Variants in PTPRD observed in about 807,000 individuals in gnomAD.
PTPRD encodes protein tyrosine phosphatase receptor type D.
A neutral mutation model predicts 214.5 loss-of-function variants in PTPRD; 34 were observed. The ratio of observed to expected loss-of-function variants is 0.16; its 90% CI spans 0.12 to 0.21. The LOEUF is 0.21. PTPRD is among the 10% of genes least tolerant of loss of function. The pLI is 1.00. For synonymous variants in PTPRD, 1,128 were observed against 845.7 expected (o/e 1.33, Z -5.79); for missense variants, 2,545 against 2,398.7 (o/e 1.06, Z -1.27).
intron 14 of PTPRD, among the ~76,000 whole-genome samples, chr9:8,626,609 C>A (rs1210269301): frequency 6.6e-6 from 1 of 151,708 alleles, no homozygotes; most frequent in African/African-American, 2.4e-5. Context: ...AAGCAGATTG[C>A]CCTCCCTAAT....
chr9:8,628,833 C>G (rs1196000389), intron 14 of PTPRD, among the ~76,000 whole-genome samples: 1 of 151,638 alleles, frequency 6.6e-6, no homozygotes, highest in Non-Finnish European at 1.5e-5. Flanking sequence ...AATATATTTG[C>G]TAAACTAGGT....
chr9:10,563,161 A>C (rs542085891), intron 2 of PTPRD, among the ~76,000 whole-genome samples: 1 of 152,168 alleles, frequency 6.6e-6, no homozygotes, highest in Non-Finnish European at 1.5e-5. Flanking sequence ...CAAATACAGC[A>C]TTCCTGACTG....
At chr9:8,839,209 A>G (rs2097505280) in intron 11 of PTPRD, among the ~76,000 whole-genome samples, 1 of 152,226 alleles carries the variant, frequency 6.6e-6, no homozygotes, top group Admixed American at 6.5e-5. Flanking sequence ...TTCAGTAATT[A>G]AAGAAATTCA....
At chr9:9,404,520 T>C (rs768354496) in intron 8 of PTPRD, among the ~76,000 whole-genome samples, 4 of 152,082 alleles carry the variant, frequency 2.6e-5, no homozygotes, top group Admixed American at 6.6e-5. Context: ...ATATTAGTGG[T>C]ATTTACTGAG....
intron 10 of PTPRD, among the ~76,000 whole-genome samples, chr9:9,023,622 G>A (rs990798782): frequency 2.6e-5 from 4 of 151,882 alleles, no homozygotes; most frequent in Admixed American, 2.6e-4. Flanking sequence ...AGTGAGTATA[G>A]TACCCACTAG....
chr9:8,355,898 CATTGCTAA>C (rs2076868558), intron 39 of PTPRD, among the ~76,000 whole-genome samples: 1 of 152,046 alleles, frequency 6.6e-6, no homozygotes, highest in South Asian at 2.1e-4. Flanking sequence ...GATACAGGCA[CATTGCTAA>C]CATTTTTATA....
intron 9 of PTPRD, among the ~76,000 whole-genome samples, chr9:9,325,093 A>G (rs1969202257): frequency 1.3e-5 from 2 of 152,180 alleles, no homozygotes; most frequent in African/African-American, 4.8e-5. Flanking sequence ...TGGTTACTGT[A>G]GCCTTGTAGT....
intron 9 of PTPRD, among the ~76,000 whole-genome samples, chr9:9,241,373 A>G (rs960797338): frequency 1.3e-5 from 2 of 152,186 alleles, no homozygotes; most frequent in African/African-American, 2.4e-5. Context: ...AGTTATTCAC[A>G]TAAGTTCAAT....
intron 5 of PTPRD, among the ~76,000 whole-genome samples, chr9:9,863,996 A>T (rs1600170218): frequency 6.6e-6 from 1 of 152,270 alleles, no homozygotes; most frequent in South Asian, 2.1e-4. Context: ...ATTGTTCCAT[A>T]TGAGGCCTAG....
chr9:9,118,152 T>C (rs1163541797), intron 10 of PTPRD, among the ~76,000 whole-genome samples: 4 of 152,216 alleles, frequency 2.6e-5, no homozygotes, highest in Non-Finnish European at 5.9e-5. Flanking sequence ...GCTACAACTT[T>C]TGACTGTGGC....
At chr9:9,450,781 CT>C (rs2091925538) in intron 8 of PTPRD, among the ~76,000 whole-genome samples, 1 of 151,136 alleles carries the variant, frequency 6.6e-6, no homozygotes, top group Non-Finnish European at 1.5e-5. Flanking sequence ...GTAAAATTAT[CT>C]TTTAAAAAAG....
intron 10 of PTPRD, among the ~76,000 whole-genome samples, chr9:9,156,568 A>G (rs529904717): frequency 2.1e-4 from 32 of 152,268 alleles, no homozygotes; most frequent in African/African-American, 7.5e-4. Context: ...TGTCTATAGG[A>G]ATACCAAGAG....
intron 11 of PTPRD, among the ~76,000 whole-genome samples, chr9:8,961,585 C>T (rs758855306): frequency 2.0e-5 from 3 of 152,126 alleles, no homozygotes; most frequent in Admixed American, 6.6e-5. Flanking sequence ...AGTTCTTCTG[C>T]ATCAAGGTTG....
chr9:10,337,663 C>T (rs1185846280), intron 3 of PTPRD, among the ~76,000 whole-genome samples: 1 of 151,562 alleles, frequency 6.6e-6, no homozygotes, highest in Non-Finnish European at 1.5e-5. Flanking sequence ...TTTTGTAATA[C>T]TCAAAACTAA....
chr9:10,416,435 G>A (rs1187128809), intron 2 of PTPRD, among the ~76,000 whole-genome samples: 2 of 151,740 alleles, frequency 1.3e-5, no homozygotes, highest in African/African-American at 4.8e-5. Context: ...AAGATGAGTG[G>A]TATAAAGAAG....
intron 3 of PTPRD, among the ~76,000 whole-genome samples, chr9:10,190,225 G>A (rs972697349): frequency 2.0e-5 from 3 of 150,742 alleles, no homozygotes; most frequent in Non-Finnish European, 4.4e-5. Context: ...AAATTAGCAG[G>A]GTGTGGTGCA....
chr9:8,317,857 G>C lies in PTPRD; in HGVS notation c.*17C>G, dbSNP rs2130440334. 6.2e-7 allele frequency: 1 copy of C among 1,611,154 alleles called. No homozygotes were observed. Among genetic ancestry groups the C allele is most frequent in the Non-Finnish European group, 8.5e-7 (1 of 1,177,862 alleles). On this transcript the variant is annotated 3_prime_UTR_variant, in exon 46 of 46. Transcript: ENST00000381196. ...TTGAAGGGCCTGTAGTAAAAATCCA[G>C]AATGGGTCAGGGGTTTCTACGTTGC...
At chr9:10,414,412 T>G (rs1587684320) in intron 2 of PTPRD, among the ~76,000 whole-genome samples, 1 of 151,744 alleles carries the variant, frequency 6.6e-6, no homozygotes, top group African/African-American at 2.4e-5. Context: ...CAGTCAGAAT[T>G]GCTATTATTA....
chr9:8,355,871 A>C (rs1231350541), intron 39 of PTPRD, among the ~76,000 whole-genome samples: 1 of 152,208 alleles, frequency 6.6e-6, no homozygotes, highest in Non-Finnish European at 1.5e-5. Flanking sequence ...TCGCTGGGCC[A>C]CACTTTGGGT....
Sources: gnomAD v4.1 joint callset for allele counts (sites outside exome capture counted in the v4.1 genomes callset) on GRCh38, gnomAD v4.1.1 for gene constraint, MANE v1.5 for transcripts, NCBI Gene and HGNC (gene_info 2026-07-23, HGNC 2026-07-21) for gene names.